Variants in SLC8A3 observed in about 807,000 individuals in gnomAD.
SLC8A3 encodes the protein sodium/calcium exchanger 3.
Under a neutral mutation model 65.4 loss-of-function variants are expected in SLC8A3, and 37 were observed. The ratio of observed to expected loss-of-function variants is 0.57; its 90% CI spans 0.44 to 0.74. The LOEUF is 0.74. SLC8A3 is among the 30% of genes least tolerant of loss of function. The pLI is 0.00. For missense variants in SLC8A3, 1,112 were observed against 1,172.1 expected (o/e 0.95, Z 0.75); for synonymous variants, 461 against 444.5 (o/e 1.04, Z -0.47).
At chr14:70,175,744 T>C (rs537140319) in intron 1 of SLC8A3, among the ~76,000 whole-genome samples, 13 of 151,120 alleles carry the variant, frequency 8.6e-5, no homozygotes, top group Admixed American at 8.5e-4. Context: ...TTTCTTTTTT[T>C]TTTTTTTTGA....
At chr14:70,091,751 C>T (rs977561945) in intron 2 of SLC8A3, among the ~76,000 whole-genome samples, 2 of 152,124 alleles carry the variant, frequency 1.3e-5, no homozygotes, top group Non-Finnish European at 2.9e-5. Context: ...TTTGATTTTT[C>T]GAAGTCATGT....
intron 2 of SLC8A3, among the ~76,000 whole-genome samples, chr14:70,072,890 C>T (rs537111995): frequency 2.0e-5 from 3 of 152,212 alleles, no homozygotes; most frequent in Non-Finnish European, 4.4e-5. Flanking sequence ...TCAGGTGATC[C>T]GCCTGCTTTG....
chr14:70,051,242 G>A (rs894421225), intron 4 of SLC8A3, 135 bp from the exon 5 acceptor site: 19 of 618,602 alleles, frequency 3.1e-5, no homozygotes, highest in Non-Finnish European at 4.1e-5. Flanking sequence ...GGCCTTGGGC[G>A]ATCTCTTTTG....
intron 2 of SLC8A3, among the ~76,000 whole-genome samples, chr14:70,091,781 G>C (rs1891821579): frequency 1.3e-5 from 2 of 152,104 alleles, no homozygotes; most frequent in Non-Finnish European, 1.5e-5. Context: ...TGACCTGCAG[G>C]ATATGCCAGC....
intron 2 of SLC8A3, among the ~76,000 whole-genome samples, chr14:70,151,079 C>T (rs1183863398): frequency 3.3e-5 from 5 of 151,796 alleles, no homozygotes; most frequent in African/African-American, 4.8e-5. Flanking sequence ...ATGGTGAAAC[C>T]CCACCTCTGC....
At chr14:70,078,286 A>G (rs949759023) in intron 2 of SLC8A3, among the ~76,000 whole-genome samples, 1 of 152,240 alleles carries the variant, frequency 6.6e-6, no homozygotes, top group African/African-American at 2.4e-5. Context: ...ACACTTTCCC[A>G]GATCTTGCCC....
At chr14:70,148,341 C>T (rs543545724) in intron 2 of SLC8A3, among the ~76,000 whole-genome samples, 2 of 152,292 alleles carry the variant, frequency 1.3e-5, no homozygotes, top group East Asian at 3.9e-4. Context: ...CCATCATAGG[C>T]TGAGCAGCAT....
At chr14:70,159,742 C>A (rs1236220913) in intron 2 of SLC8A3, among the ~76,000 whole-genome samples, 3 of 151,994 alleles carry the variant, frequency 2.0e-5, no homozygotes, top group Non-Finnish European at 4.4e-5. Flanking sequence ...CCACCTGTAT[C>A]CCCTTATTAT....
chr14:70,165,657 T>C (rs1189861212), intron 2 of SLC8A3, among the ~76,000 whole-genome samples: 2 of 152,226 alleles, frequency 1.3e-5, no homozygotes, highest in South Asian at 2.1e-4. Context: ...CATTCTGCTT[T>C]CCCTTTTAAA....
At chr14:70,150,768 G>A (rs1349081316) in intron 2 of SLC8A3, among the ~76,000 whole-genome samples, 1 of 152,148 alleles carries the variant, frequency 6.6e-6, no homozygotes, top group African/African-American at 2.4e-5. Context: ...AGGCACCGAG[G>A]AACTCCAGAG....
At chr14:70,093,679 C>A (rs918810760) in intron 2 of SLC8A3, among the ~76,000 whole-genome samples, 1 of 152,226 alleles carries the variant, frequency 6.6e-6, no homozygotes, top group Non-Finnish European at 1.5e-5. Context: ...TGTCAAGGAG[C>A]TGGGGTGAGC....
chr14:70,110,673 C>CTTTTTT (rs71102684), intron 2 of SLC8A3, among the ~76,000 whole-genome samples: 9 of 91,852 alleles, frequency 9.8e-5, no homozygotes, highest in African/African-American at 1.5e-4. Context: ...ATACCTCTTT[C>CTTTTTT]TTTTTTTTTT....
chr14:70,133,928 A>T (rs1895019445), intron 2 of SLC8A3, among the ~76,000 whole-genome samples: 1 of 151,920 alleles, frequency 6.6e-6, no homozygotes, highest in South Asian at 2.1e-4. Context: ...TTCTCCTCTC[A>T]CCCTATTCCC....
At chr14:70,173,615 T>C (rs1897686072) in intron 1 of SLC8A3, among the ~76,000 whole-genome samples, 1 of 152,198 alleles carries the variant, frequency 6.6e-6, no homozygotes, top group Non-Finnish European at 1.5e-5. Context: ...GCTCCGGGCA[T>C]GTCACCAGCC....
chr14:70,161,267 C>A (rs1249436445), intron 2 of SLC8A3, among the ~76,000 whole-genome samples: 1 of 104,716 alleles, frequency 9.5e-6, no homozygotes, highest in African/African-American at 3.7e-5. Flanking sequence ...CCAGCCTGGG[C>A]GACAGAGCGA....
At chr14:70,160,185 C>T (rs987705286) in intron 2 of SLC8A3, among the ~76,000 whole-genome samples, 8 of 152,282 alleles carry the variant, frequency 5.3e-5, no homozygotes, top group African/African-American at 1.4e-4. Context: ...TAGCTCACGC[C>T]TGTAATCCCA....
At chr14:70,145,002 G>T (rs921324213) in intron 2 of SLC8A3, among the ~76,000 whole-genome samples, 1 of 152,136 alleles carries the variant, frequency 6.6e-6, no homozygotes, top group Admixed American at 6.5e-5. Context: ...GCACAGTTCT[G>T]GTACCTGTAA....
chr14:70,183,581 G>A (rs1186508003), intron 1 of SLC8A3, among the ~76,000 whole-genome samples: 1 of 152,190 alleles, frequency 6.6e-6, no homozygotes, highest in Non-Finnish European at 1.5e-5. Context: ...CATCTGCCCA[G>A]TGTTGAGTTT....
chr14:70,060,024 G>C (rs941617175), intron 3 of SLC8A3, among the ~76,000 whole-genome samples: 7 of 152,178 alleles, frequency 4.6e-5, no homozygotes, highest in African/African-American at 1.7e-4. Context: ...GCATGGGGTG[G>C]GATGCCCAGA....
Sources: gnomAD v4.1 joint callset for allele counts (sites outside exome capture counted in the v4.1 genomes callset) on GRCh38, gnomAD v4.1.1 for gene constraint, MANE v1.5 for transcripts, NCBI Gene and HGNC (gene_info 2026-07-23, HGNC 2026-07-21) for gene names.